The following PRKG1 variants were observed in gnomAD, a reference collection of about 807,000 sequenced individuals.
PRKG1 encodes the protein cGMP-dependent protein kinase 1.
A neutral mutation model predicts 88.1 loss-of-function variants in PRKG1; 35 were observed. The ratio of observed to expected loss-of-function variants is 0.40; its 90% CI spans 0.30 to 0.53. The LOEUF (loss-of-function observed/expected upper bound fraction) is 0.53, where lower values mean the gene tolerates loss of function less well. Ranked by LOEUF, PRKG1 falls within the 20% of genes least tolerant of loss-of-function variation. PRKG1 has a pLI of 0.59. For synonymous variants in PRKG1, 303 were observed against 292.5 expected, an observed-to-expected ratio of 1.04 and a Z score of -0.37; for missense variants, 540 against 839.8, an observed-to-expected ratio of 0.64 and a Z score of 4.41.
At chr10:51,107,810 CAA>C (rs150587434) in intron 1 of PRKG1, among the ~76,000 whole-genome samples, 2,161 of 63,152 alleles carry the variant, frequency 0.034, 25 homozygotes, top group East Asian at 0.11. Context: ...AACCCTGTCT[CAA>C]AAAAAAAAAA....
At chr10:52,202,255 G>A (rs946740422) in intron 9 of PRKG1, among the ~76,000 whole-genome samples, 8 of 151,996 alleles carry the variant, frequency 5.3e-5, no homozygotes, top group African/African-American at 1.9e-4. Context: ...TAACATGAAG[G>A]GATATTGAAT....
chr10:51,744,225 G>T (rs187369723), intron 3 of PRKG1, among the ~76,000 whole-genome samples: 42 of 152,194 alleles, frequency 2.8e-4, no homozygotes, highest in Non-Finnish European at 5.0e-4. Flanking sequence ...GTACAGTACT[G>T]CTGTTATCCT....
intron 1 of PRKG1, among the ~76,000 whole-genome samples, chr10:51,147,114 A>G (rs576496764): frequency 6.6e-4 from 100 of 152,290 alleles, no homozygotes; most frequent in Non-Finnish European, 1.3e-3. Flanking sequence ...GCAGGATTAT[A>G]GTTATTAGAG....
chr10:51,579,864 G>C (rs916698650), intron 3 of PRKG1, among the ~76,000 whole-genome samples: 2 of 152,008 alleles, frequency 1.3e-5, no homozygotes, highest in African/African-American at 4.8e-5. Context: ...AAAACATCTA[G>C]TATAAATTAA....
chr10:51,412,339 G>A (rs1412531730), intron 2 of PRKG1, among the ~76,000 whole-genome samples: 2 of 152,008 alleles, frequency 1.3e-5, no homozygotes, highest in African/African-American at 4.8e-5. Flanking sequence ...ACATTGTGCT[G>A]AAAACCACCT....
intron 3 of PRKG1, among the ~76,000 whole-genome samples, chr10:51,797,561 T>C (rs1341865443): frequency 1.4e-5 from 2 of 147,050 alleles, no homozygotes; most frequent in Non-Finnish European, 1.5e-5. Context: ...TATAATATTT[T>C]ATTATATTAT....
chr10:52,000,623 G>T (rs1056198960), intron 5 of PRKG1, among the ~76,000 whole-genome samples: 1 of 151,944 alleles, frequency 6.6e-6, no homozygotes, highest in African/African-American at 2.4e-5. Flanking sequence ...AGAAGGACTG[G>T]ACTTCTTATA....
At chr10:51,403,567 A>C (rs184690153) in intron 2 of PRKG1, among the ~76,000 whole-genome samples, 1 of 152,270 alleles carries the variant, frequency 6.6e-6, no homozygotes, top group Admixed American at 6.5e-5. Context: ...ATAAGACTCA[A>C]AGAGCCTCAA....
In PRKG1 at chr10:51,851,728, C is replaced by G. The variant is rs147319797; in HGVS notation, c.698+47038C>G. ...ATGCTTAAAATGCTTTGACATTTTT[C>G]TCTAATGCAATGCTCTTCTGGATAT... is the stretch of plus-strand genomic sequence containing the variant. On this transcript the variant is annotated intron_variant, in intron 4 of 17. Coordinates refer to ENST00000373980, the MANE Select transcript of PRKG1 (RefSeq NM_006258.4). 7.5e-3 allele frequency among the ~76,000 whole-genome samples: 1,144 copies of G among 152,240 alleles called. 20 individuals are homozygous for G. The highest frequency in any genetic ancestry group is 0.026 in the African/African-American group (1,094 of 41,548).
At chr10:51,499,090 T>C (rs1840948646) in intron 3 of PRKG1, among the ~76,000 whole-genome samples, 1 of 152,172 alleles carries the variant, frequency 6.6e-6, no homozygotes, top group South Asian at 2.1e-4. Flanking sequence ...GCATACTTTT[T>C]CAGGTAAGGA....
chr10:51,109,192 A>T (rs1284819274), intron 1 of PRKG1, among the ~76,000 whole-genome samples: 1 of 152,152 alleles, frequency 6.6e-6, no homozygotes, highest in Non-Finnish European at 1.5e-5. Flanking sequence ...TCCCAATAAA[A>T]AACCAAGGAG....
intron 9 of PRKG1, among the ~76,000 whole-genome samples, chr10:52,184,032 T>C (rs548038109): frequency 6.6e-6 from 1 of 152,342 alleles, no homozygotes; most frequent in South Asian, 2.1e-4. Context: ...CCTCCTGGGC[T>C]TCCAGTCACC....
intron 2 of PRKG1, among the ~76,000 whole-genome samples, chr10:51,225,238 G>T (rs1465612116): frequency 2.0e-5 from 3 of 152,178 alleles, no homozygotes; most frequent in African/African-American, 7.2e-5. Context: ...TGTGGTAGAA[G>T]AAGCTAGCTA....
At chr10:51,654,574 A>G (rs556185519) in intron 3 of PRKG1, among the ~76,000 whole-genome samples, 1 of 152,294 alleles carries the variant, frequency 6.6e-6, no homozygotes, top group East Asian at 1.9e-4. Flanking sequence ...ACACACACAC[A>G]ACCAAACTCA....
At chr10:52,093,850 C>T (rs1019756173) in intron 7 of PRKG1, among the ~76,000 whole-genome samples, 1 of 152,026 alleles carries the variant, frequency 6.6e-6, no homozygotes, top group Non-Finnish European at 1.5e-5. Context: ...TAGTTTTAAA[C>T]TCTGAAAACT....
intron 4 of PRKG1, among the ~76,000 whole-genome samples, chr10:51,836,969 T>C (rs1302911212): frequency 6.6e-6 from 1 of 152,170 alleles, no homozygotes; most frequent in Non-Finnish European, 1.5e-5. Context: ...TACAGGTATT[T>C]GATTCGTGGT....
At chr10:51,390,289 G>T (rs1013127996) in intron 2 of PRKG1, among the ~76,000 whole-genome samples, 1 of 152,066 alleles carries the variant, frequency 6.6e-6, no homozygotes, top group African/African-American at 2.4e-5. Context: ...CCATAAAGTT[G>T]GCTTCAACTT....
At chr10:51,252,205 G>A (rs1346186420) in intron 2 of PRKG1, among the ~76,000 whole-genome samples, 1 of 151,682 alleles carries the variant, frequency 6.6e-6, no homozygotes, top group Non-Finnish European at 1.5e-5. Context: ...GAATCTGAGT[G>A]CTCTATTGTA....
chr10:51,540,113 T>C (rs1053988515), intron 3 of PRKG1, among the ~76,000 whole-genome samples: 11 of 152,168 alleles, frequency 7.2e-5, no homozygotes, highest in African/African-American at 1.4e-4. Flanking sequence ...TAGGCATTTG[T>C]TAAAAATGTC....
Sources: allele counts gnomAD v4.1 joint callset (sites outside exome capture counted in the v4.1 genomes callset), GRCh38; gene constraint gnomAD v4.1.1; transcripts MANE v1.5; gene names NCBI Gene and HGNC (gene_info 2026-07-23, HGNC 2026-07-21).